Variants in SEMA3A observed in about 807,000 individuals in gnomAD.
The protein encoded by SEMA3A is semaphorin 3A, also known as semaphorin-3A.
A neutral mutation model predicts 97.9 loss-of-function variants in SEMA3A; 29 were observed. The ratio of observed to expected loss-of-function variants is 0.30; its 90% CI spans 0.22 to 0.40. SEMA3A has a LOEUF of 0.40. Ranked by LOEUF, SEMA3A falls within the 10% of genes least tolerant of loss-of-function variation. The pLI, the probability that SEMA3A is intolerant of heterozygous loss-of-function variation, is 1.00. For missense variants in SEMA3A, 763 were observed against 951.3 expected (o/e 0.80, Z 2.60); for synonymous variants, 321 against 323.7 (o/e 0.99, Z 0.09).
At chr7:84,412,303 G>T (rs1804291818) in intron 1 of SEMA3A, among the ~76,000 whole-genome samples, 1 of 152,058 alleles carries the variant, frequency 6.6e-6, no homozygotes, top group Admixed American at 6.6e-5. Context: ...TTCATCCCCA[G>T]CTGCATCTCT....
At chr7:83,986,867 T>TA (rs1789653326) in intron 12 of SEMA3A, among the ~76,000 whole-genome samples, 1 of 151,914 alleles carries the variant, frequency 6.6e-6, no homozygotes, top group South Asian at 2.1e-4. Flanking sequence ...GGGGTGGTGA[T>TA]AAGACTGAAT....
At position 84,064,804 on chromosome 7, in the gene SEMA3A, C is replaced by A. The variant is rs1268814513; in HGVS notation, c.454-4246G>T. ...AGTGACCTACAAAGAGACTTAGACTCCCACACATTAATAATGGGAGACTTC... is the reference window on the plus strand; with the variant it reads ...AGTGACCTACAAAGAGACTTAGACTACCACACATTAATAATGGGAGACTTC... On this transcript the variant is annotated intron_variant, in intron 4 of 16. Transcript: ENST00000265362. 4.6e-5 allele frequency among the ~76,000 whole-genome samples: 7 copies of A among 151,138 alleles called. No individual in the cohort carries two copies. The East Asian group carries it at 9.7e-4, about 21-fold the overall frequency.
chr7:84,041,618 C>T (rs1792136282), intron 6 of SEMA3A, among the ~76,000 whole-genome samples: 2 of 152,054 alleles, frequency 1.3e-5, no homozygotes, highest in South Asian at 4.1e-4. Context: ...CTAGCTAATG[C>T]ATACACTACT....
At chr7:84,319,524 A>G (rs1439167391) in intron 2 of SEMA3A, among the ~76,000 whole-genome samples, 1 of 152,150 alleles carries the variant, frequency 6.6e-6, no homozygotes, top group East Asian at 1.9e-4. Context: ...AGATTCACAG[A>G]CCACCAAGAA....
At chr7:84,468,163 C>A (rs975197717) in intron 1 of SEMA3A, among the ~76,000 whole-genome samples, 1 of 152,136 alleles carries the variant, frequency 6.6e-6, no homozygotes, top group African/African-American at 2.4e-5. Flanking sequence ...TGGTAGCATC[C>A]ACTACTGTAT....
Position 84,137,171 on chromosome 7 carries a change from C to T in SEMA3A, c.113-2220G>A, listed in dbSNP as rs146183440. Among the ~76,000 whole-genome samples the T allele has an allele frequency of 8.2e-3, 1,243 of 152,034 alleles. 9 individuals carry two copies. Among genetic ancestry groups the T allele is most frequent in the Middle Eastern group, 0.027 (8 of 292 alleles). On this transcript the variant is annotated intron_variant, in intron 1 of 16. Coordinates refer to ENST00000265362, the MANE Select transcript of SEMA3A (RefSeq NM_006080.3). ...ATCTCAGCACTTTGGTAGTCCAAGG[C>T]GGGTGGATCACGAGGTCAGGAGTTC...
At chr7:84,477,922 C>G (rs941938613) in intron 1 of SEMA3A, among the ~76,000 whole-genome samples, 2 of 152,166 alleles carry the variant, frequency 1.3e-5, no homozygotes, top group Non-Finnish European at 2.9e-5. Context: ...TCTGCCTGGA[C>G]TTTCTTTTGC....
chr7:84,296,840 CA>C (rs1800885596), intron 3 of SEMA3A, among the ~76,000 whole-genome samples: 3 of 151,956 alleles, frequency 2.0e-5, no homozygotes, highest in African/African-American at 7.3e-5. Context: ...GTTTTTATGG[CA>C]AAATTCCAAT....
chr7:84,224,252 T>C (rs1379528556), intron 3 of SEMA3A, among the ~76,000 whole-genome samples: 2 of 151,954 alleles, frequency 1.3e-5, no homozygotes, highest in East Asian at 3.9e-4. Flanking sequence ...AATCAATTAT[T>C]GGTGTTTCAT....
chr7:84,289,139 C>A (rs2115776190), intron 3 of SEMA3A, among the ~76,000 whole-genome samples: 1 of 152,184 alleles, frequency 6.6e-6, no homozygotes, highest in African/African-American at 2.4e-5. Flanking sequence ...ACTACATTTT[C>A]ACTCGTATGT....
At chr7:83,986,889 T>A (rs148821941) in intron 12 of SEMA3A, among the ~76,000 whole-genome samples, 250 of 152,156 alleles carry the variant, frequency 1.6e-3, no homozygotes, top group African/African-American at 5.7e-3. Flanking sequence ...AATTAATACA[T>A]GTAAAACACA....
intron 1 of SEMA3A, among the ~76,000 whole-genome samples, chr7:84,478,074 T>C (rs149068886): frequency 6.6e-6 from 1 of 152,294 alleles, no homozygotes; most frequent in East Asian, 1.9e-4. Context: ...CCAGTGAGAT[T>C]TCACATTCGT....
At chr7:84,061,928 G>C (rs954531696) in intron 4 of SEMA3A, among the ~76,000 whole-genome samples, 21 of 152,202 alleles carry the variant, frequency 1.4e-4, no homozygotes, top group South Asian at 6.2e-4. Context: ...TCACAGAATT[G>C]TACTAAGTTA....
At chr7:84,295,298 GATTC>G (rs909872623) in intron 3 of SEMA3A, among the ~76,000 whole-genome samples, 2 of 151,962 alleles carry the variant, frequency 1.3e-5, no homozygotes, top group African/African-American at 4.8e-5. Context: ...AGTGACATTA[GATTC>G]ATTATTTTTT....
At chr7:84,203,060 G>A (rs544688481) in intron 3 of SEMA3A, among the ~76,000 whole-genome samples, 11 of 152,150 alleles carry the variant, frequency 7.2e-5, no homozygotes, top group African/African-American at 2.6e-4. Context: ...CATGATTAAG[G>A]GCTATTGTAT....
At chr7:84,257,199 A>T (rs555327821) in intron 3 of SEMA3A, among the ~76,000 whole-genome samples, 183 of 152,182 alleles carry the variant, frequency 1.2e-3, no homozygotes, top group African/African-American at 4.2e-3. Context: ...GATTTTTTTT[A>T]AAGAAAAGAA....
intron 1 of SEMA3A, among the ~76,000 whole-genome samples, chr7:84,401,269 T>A (rs570861262): frequency 6.6e-6 from 1 of 151,866 alleles, no homozygotes; most frequent in Non-Finnish European, 1.5e-5. Context: ...TTAAAATAGC[T>A]ACAAAAAATA....
chr7:84,047,496 T>G (rs1481540889), intron 5 of SEMA3A, among the ~76,000 whole-genome samples: 2 of 152,046 alleles, frequency 1.3e-5, no homozygotes, highest in Non-Finnish European at 2.9e-5. Context: ...ATCCCAAGCC[T>G]TTTACACTAA....
intron 3 of SEMA3A, among the ~76,000 whole-genome samples, chr7:84,123,334 T>C (rs1240629174): frequency 6.6e-6 from 1 of 152,106 alleles, no homozygotes; most frequent in Non-Finnish European, 1.5e-5. Flanking sequence ...TATTTCCCTA[T>C]CCAGGGTCTC....
Sources: gnomAD v4.1 joint callset for allele counts (sites outside exome capture counted in the v4.1 genomes callset) on GRCh38, gnomAD v4.1.1 for gene constraint, MANE v1.5 for transcripts, NCBI Gene and HGNC (gene_info 2026-07-23, HGNC 2026-07-21) for gene names.